The following CTNNA2 variants were observed in gnomAD, a reference collection of about 807,000 sequenced individuals.
CTNNA2 encodes catenin alpha-2.
A neutral mutation model predicts 101.0 loss-of-function variants in CTNNA2; 42 were observed. That is an observed-to-expected ratio of 0.42 (90% CI 0.32 to 0.54). CTNNA2 has a LOEUF of 0.54. Ranked by LOEUF, CTNNA2 falls within the 20% of genes least tolerant of loss-of-function variation. CTNNA2 has a pLI of 0.14. For synonymous variants in CTNNA2, 450 were observed against 456.4 expected (o/e 0.99, Z 0.18); for missense variants, 871 against 1,223.1 (o/e 0.71, Z 4.29).
At chr2:79,599,368 A>T (rs1482742329) in intron 1 of CTNNA2, among the ~76,000 whole-genome samples, 1 of 152,202 alleles carries the variant, frequency 6.6e-6, no homozygotes, top group East Asian at 1.9e-4. Flanking sequence ...AAATATGAAT[A>T]AATATTTAGT....
In CTNNA2 at chr2:79,874,084, G is replaced by A; in HGVS notation, c.594G>A (p.Lys198=). 6.2e-7 allele frequency: 1 copy of A among 1,614,116 alleles called. No homozygotes were observed. Among genetic ancestry groups the A allele is most frequent in the Non-Finnish European group, 8.5e-7 (1 of 1,180,010 alleles). ...YVAARRQQEL[K]DPHCRDEMAA... ...ATGTGTTACACACACAGGAGCTGAA[G>A]GATCCTCACTGTCGGGATGAGATGG... The change falls in exon 6 of 19, where the codon AAG becomes AAA. Residue 198 remains lysine (K), a synonymous_variant. Coordinates refer to ENST00000402739, the MANE Select transcript of CTNNA2 (RefSeq NM_001282597.3).
At position 79,468,198 on chromosome 2, in the gene CTNNA2, T is replaced by C. The variant is rs544902685; in HGVS notation, c.-134-36856T>C. Reference sequence around the variant, plus strand: ...GGTGGAGGAAGATCTACCGAGCAAATGGAGAATAAAAAAAGGCAGGGGTTG... The same window carrying C: ...GGTGGAGGAAGATCTACCGAGCAAACGGAGAATAAAAAAAGGCAGGGGTTG... On this transcript the variant is annotated intron_variant, in intron 4 of 21. Coordinates refer to the CTNNA2 transcript ENST00000466387. 3.6e-3 allele frequency among the ~76,000 whole-genome samples: 542 copies of C among 151,548 alleles called. 1 individual carries two copies. The highest frequency in any genetic ancestry group is 5.5e-3 in the Admixed American group (84 of 15,212).
intron 4 of CTNNA2, among the ~76,000 whole-genome samples, chr2:79,488,000 G>A (rs1289716371): frequency 6.6e-6 from 1 of 152,074 alleles, no homozygotes; most frequent in African/African-American, 2.4e-5. Context: ...CATACTCTCT[G>A]GTCCTAGTTC....
Position 80,366,214 on chromosome 2 carries a change from C to G in CTNNA2, c.1057-26997C>G, listed in dbSNP as rs1674917368. Among the ~76,000 whole-genome samples the G allele has an allele frequency of 4.6e-5, 7 of 152,294 alleles. No individual in the cohort carries two copies. In the South Asian group the frequency reaches 1.4e-3, roughly 32 times the overall value. ...GAGTTAGAAAGGTCACAAAGAATAT[C>G]TTCTTCATGGGCGTGCTCCTCTGAA... On this transcript the variant is annotated intron_variant, in intron 7 of 18. Transcript: ENST00000402739.
At chr2:79,469,963 C>T (rs1670980346) in intron 4 of CTNNA2, among the ~76,000 whole-genome samples, 1 of 152,152 alleles carries the variant, frequency 6.6e-6, no homozygotes, top group Non-Finnish European at 1.5e-5. Flanking sequence ...CCTTTGAAAA[C>T]TGGCACAAGA....
At chr2:79,256,267 C>A (rs1423040141) in intron 2 of CTNNA2, among the ~76,000 whole-genome samples, 1 of 152,100 alleles carries the variant, frequency 6.6e-6, no homozygotes, top group Non-Finnish European at 1.5e-5. Context: ...CTCTTTCCAG[C>A]CACCTCACCC....
intron 2 of CTNNA2, among the ~76,000 whole-genome samples, chr2:79,306,666 C>G (rs1483131982): frequency 6.6e-6 from 1 of 152,132 alleles, no homozygotes; most frequent in Non-Finnish European, 1.5e-5. Context: ...GAGAATTTTT[C>G]CATATCTAGT....
intron 1 of CTNNA2, among the ~76,000 whole-genome samples, chr2:79,618,969 G>A (rs1458111619): frequency 1.3e-5 from 2 of 152,210 alleles, no homozygotes; most frequent in African/African-American, 4.8e-5. Flanking sequence ...ACTTTGGGAG[G>A]CCGAGGCAGG....
intron 3 of CTNNA2, among the ~76,000 whole-genome samples, chr2:79,371,465 G>C (rs1337895693): frequency 6.6e-6 from 1 of 152,006 alleles, no homozygotes; most frequent in Non-Finnish European, 1.5e-5. Context: ...ACAGAAGACA[G>C]GACCCAACAG....
At chr2:79,914,166 CAAAAAAAAAAAA>C (rs55675912) in intron 7 of CTNNA2, among the ~76,000 whole-genome samples, 1 of 90,624 alleles carries the variant, frequency 1.1e-5, no homozygotes, top group South Asian at 3.8e-4. Flanking sequence ...GACTCCGTCT[CAAAAAAAAAAAA>C]AAAAAAAAAA....
At chr2:79,447,446 T>C (rs1562891) in intron 4 of CTNNA2, among the ~76,000 whole-genome samples, 4,445 of 152,150 alleles carry the variant, frequency 0.029, 127 homozygotes, top group Admixed American at 0.091. Context: ...GAAGATGAGA[T>C]AGTAAGACAG....
chr2:79,436,981 C>T (rs1339183844), intron 4 of CTNNA2, among the ~76,000 whole-genome samples: 1 of 151,402 alleles, frequency 6.6e-6, no homozygotes, highest in Non-Finnish European at 1.5e-5. Context: ...CACCTGTAAT[C>T]CCAGCACTTT....
chr2:80,523,366 T>C (rs943887045), intron 9 of CTNNA2, among the ~76,000 whole-genome samples: 2 of 152,042 alleles, frequency 1.3e-5, no homozygotes, highest in Admixed American at 1.3e-4. Context: ...GTCTATGAGC[T>C]GTAAATTGAG....
chr2:80,601,456 CTTTG>C (rs1048852155), intron 15 of CTNNA2, among the ~76,000 whole-genome samples: 42 of 86,220 alleles, frequency 4.9e-4, no homozygotes, highest in Non-Finnish European at 6.8e-4. Flanking sequence ...TATCTGACAA[CTTTG>C]TTTCTTCCAT....
intron 5 of CTNNA2, among the ~76,000 whole-genome samples, chr2:79,871,747 ACC>A (rs1158448567): frequency 1.3e-5 from 2 of 152,204 alleles, no homozygotes; most frequent in African/African-American, 4.8e-5. Flanking sequence ...TCAAGTTGAC[ACC>A]TAAAATAACC....
At chr2:80,174,247 T>C (rs939689645) in intron 7 of CTNNA2, among the ~76,000 whole-genome samples, 4 of 152,208 alleles carry the variant, frequency 2.6e-5, no homozygotes, top group Non-Finnish European at 2.9e-5. Context: ...TCCAACTGTG[T>C]TGCCTCATAA....
chr2:80,628,305 C>G (rs1671903657), intron 18 of CTNNA2, among the ~76,000 whole-genome samples: 1 of 151,888 alleles, frequency 6.6e-6, no homozygotes, highest in South Asian at 2.1e-4. Context: ...CCCACATAGC[C>G]AAGACAATCC....
chr2:79,187,449 C>T (rs527623041), intron 1 of CTNNA2, among the ~76,000 whole-genome samples: 11 of 151,342 alleles, frequency 7.3e-5, no homozygotes, highest in East Asian at 1.9e-4. Context: ...ACCACAAGGA[C>T]GCTTATTTTT....
chr2:79,693,761 T>C (rs1312716943), intron 2 of CTNNA2, among the ~76,000 whole-genome samples: 1 of 151,872 alleles, frequency 6.6e-6, no homozygotes, highest in East Asian at 1.9e-4. Flanking sequence ...TTCTCACCCA[T>C]TCTACCTTCT....
Sources: allele counts gnomAD v4.1 joint callset (sites outside exome capture counted in the v4.1 genomes callset), GRCh38; gene constraint gnomAD v4.1.1; transcripts MANE v1.5; gene names NCBI Gene and HGNC (gene_info 2026-07-23, HGNC 2026-07-21).